Variants in CEP85L observed in about 807,000 individuals in gnomAD.
CEP85L encodes the protein centrosomal protein 85L.
A neutral mutation model predicts 100.3 loss-of-function variants in CEP85L; 60 were observed. That is an observed-to-expected ratio of 0.60 (90% CI 0.49 to 0.74). The LOEUF (loss-of-function observed/expected upper bound fraction) is 0.74, where lower values mean the gene tolerates loss of function less well. CEP85L is among the 30% of genes least tolerant of loss of function. The probability of loss-of-function intolerance (pLI) is 0.00; values close to 1 mark genes in which losing one functional copy is unlikely to be tolerated. For synonymous variants in CEP85L, 319 were observed against 322.7 expected (o/e 0.99, Z 0.12); for missense variants, 973 against 936.2 (o/e 1.04, Z -0.51).
intron 2 of CEP85L, among the ~76,000 whole-genome samples, chr6:118,587,069 TG>T (rs1308086041): frequency 1.3e-5 from 2 of 152,230 alleles, no homozygotes; most frequent in East Asian, 1.9e-4. Context: ...ATATCTGCCA[TG>T]GCCCATTTGT....
intron 1 of CEP85L, among the ~76,000 whole-genome samples, chr6:118,703,342 T>C (rs1284958510): frequency 1.3e-5 from 2 of 152,208 alleles, no homozygotes; most frequent in Admixed American, 6.5e-5. Flanking sequence ...AGGATTCATG[T>C]TCTATCATTT....
intron 6 of CEP85L, among the ~76,000 whole-genome samples, chr6:118,486,398 A>G (rs1280107920): frequency 6.6e-6 from 1 of 152,190 alleles, no homozygotes; most frequent in Non-Finnish European, 1.5e-5. Context: ...GACATGTTTT[A>G]TAAGAAGTTC....
chr6:118,677,691 C>A (rs901712543), intron 1 of CEP85L, among the ~76,000 whole-genome samples: 1 of 152,202 alleles, frequency 6.6e-6, no homozygotes, highest in Non-Finnish European at 1.5e-5. Flanking sequence ...GATCCTTCTT[C>A]TTCTCCTGTA....
intron 3 of CEP85L, among the ~76,000 whole-genome samples, chr6:118,555,326 G>A (rs911658916): frequency 6.6e-6 from 1 of 151,266 alleles, no homozygotes; most frequent in Non-Finnish European, 1.5e-5. Context: ...TACTCGGGAG[G>A]CTAAGGCAGG....
At chr6:118,484,413 T>A (rs1363322953) in intron 6 of CEP85L, among the ~76,000 whole-genome samples, 1 of 152,234 alleles carries the variant, frequency 6.6e-6, no homozygotes, top group Non-Finnish European at 1.5e-5. Flanking sequence ...ATGGACGGCA[T>A]CCTATAAATT....
rs1156490217 is a variant in CEP85L, at chr6:118,464,138, T to G, written c.*1267A>C. The G allele has an allele frequency of 6.6e-6, 1 of 152,194 alleles. No homozygotes were observed. The allele number at this position is 152,194 out of a possible 1,614,324, so 9.4% of individuals were successfully genotyped here. On this transcript the variant is annotated 3_prime_UTR_variant, in exon 13 of 13. Transcript: ENST00000368491. ...ACAAGGCTTTCGCCAAAACTAAGTA[T>G]ATTCAAAAGAACATAATCAATGCTG...
intron 2 of CEP85L, among the ~76,000 whole-genome samples, chr6:118,590,972 AGAGCCCT>A (rs1781158617): frequency 1.3e-5 from 2 of 152,166 alleles, no homozygotes; most frequent in African/African-American, 4.8e-5. Context: ...TTGTGTGACA[AGAGCCCT>A]TCCAGGTCCA....
At chr6:118,505,724 T>C (rs73524155) in intron 5 of CEP85L, among the ~76,000 whole-genome samples, 1,707 of 152,252 alleles carry the variant, frequency 0.011, 43 homozygotes, top group African/African-American at 0.039. Context: ...AGTTCAGTGG[T>C]TGCTAGGGGT....
intron 2 of CEP85L, among the ~76,000 whole-genome samples, chr6:118,571,494 CA>C (rs1779886269): frequency 6.6e-6 from 1 of 152,194 alleles, no homozygotes; most frequent in Non-Finnish European, 1.5e-5. Context: ...CAATTCCAAA[CA>C]AAATCCCAAT....
intron 1 of CEP85L, among the ~76,000 whole-genome samples, chr6:118,686,163 C>T (rs1468087793): frequency 2.0e-5 from 3 of 150,334 alleles, no homozygotes; most frequent in African/African-American, 4.9e-5. Context: ...TCCATGTGCT[C>T]GGAAGATATA....
chr6:118,607,934 T>C (rs570455474), intron 2 of CEP85L, among the ~76,000 whole-genome samples: 2 of 152,264 alleles, frequency 1.3e-5, no homozygotes, highest in Admixed American at 1.3e-4. Flanking sequence ...AACGAGGTCC[T>C]GATCCAGACC....
intron 5 of CEP85L, chr6:118,502,480 CA>C: frequency 1.9e-6 from 1 of 523,960 alleles, no homozygotes; most frequent in South Asian, 1.6e-5. Context: ...CTTGACACAG[CA>C]AAACAAATGG....
chr6:118,671,001 T>A (rs1461922864), intron 1 of CEP85L, among the ~76,000 whole-genome samples: 2 of 152,066 alleles, frequency 1.3e-5, no homozygotes, highest in African/African-American at 4.8e-5. Context: ...TGAGAAACGA[T>A]TCCTGTGAAA....
intron 2 of CEP85L, among the ~76,000 whole-genome samples, chr6:118,604,458 T>C (rs939689023): frequency 6.6e-6 from 1 of 152,248 alleles, no homozygotes; most frequent in South Asian, 2.1e-4. Flanking sequence ...TTTAACTCTT[T>C]AGGCAAAAAA....
At chr6:118,648,631 A>C (rs1258200086) in intron 1 of CEP85L, among the ~76,000 whole-genome samples, 1 of 151,334 alleles carries the variant, frequency 6.6e-6, no homozygotes, top group Non-Finnish European at 1.5e-5. Context: ...AGTCCCAGCT[A>C]CTCGGGAGGC....
At position 118,463,498 on chromosome 6, in the gene CEP85L, G is replaced by A. The variant is rs534787263; in HGVS notation, c.*1907C>T. The A allele has an allele frequency of 6.6e-6, 1 of 152,104 alleles. No individual in the cohort carries two copies. The highest frequency in any genetic ancestry group is 1.9e-4 in the East Asian group (1 of 5,184). 9.4% of individuals were successfully genotyped at this position (152,104 alleles called of 1,614,324 possible). On this transcript the variant is annotated 3_prime_UTR_variant, in exon 13 of 13. Transcript: ENST00000368491. ...CGTTATTATCTGTTTTACCATAAAG[G>A]ACCAAGGCAGAATTCTTCGCATCAC...
At chr6:118,496,745 C>A (rs1282851961) in intron 5 of CEP85L, among the ~76,000 whole-genome samples, 1 of 152,234 alleles carries the variant, frequency 6.6e-6, no homozygotes, top group Non-Finnish European at 1.5e-5. Context: ...ACAGTCACCA[C>A]TGGCAACACA....
chr6:118,471,432 A>G (rs1772945186), intron 10 of CEP85L, among the ~76,000 whole-genome samples: 1 of 152,000 alleles, frequency 6.6e-6, no homozygotes, highest in African/African-American at 2.4e-5. Flanking sequence ...TTATCATTTT[A>G]TTTCAGGTCT....
At chr6:118,614,997 A>G (rs956365721) in intron 2 of CEP85L, among the ~76,000 whole-genome samples, 5 of 152,376 alleles carry the variant, frequency 3.3e-5, no homozygotes, top group South Asian at 2.1e-4. Flanking sequence ...AAAATACAAT[A>G]TAATTTACAA....
Sources: gnomAD v4.1 joint callset for allele counts (sites outside exome capture counted in the v4.1 genomes callset) on GRCh38, gnomAD v4.1.1 for gene constraint, MANE v1.5 for transcripts, NCBI Gene and HGNC (gene_info 2026-07-23, HGNC 2026-07-21) for gene names.